SLC4A2: variants seen among roughly 807,000 people sequenced by gnomAD.
SLC4A2 encodes anion exchange protein 2.
In SLC4A2, 36 loss-of-function variants were observed where a neutral mutation model predicts 115.0. The observed-to-expected ratio is 0.31, with a 90% confidence interval of 0.24 to 0.41. The LOEUF is 0.41. SLC4A2 is among the 10% of genes least tolerant of loss of function. SLC4A2 has a pLI of 1.00. For missense variants in SLC4A2, 1,252 were observed against 1,705.6 expected (o/e 0.73, Z 4.68); for synonymous variants, 708 against 708.3 (o/e 1.00, Z 0.01).
rs750420361 is a variant in SLC4A2, at chr7:151,076,493, C to T, written c.*126C>T. 257 of 830,186 alleles carry T rather than the reference C, an allele frequency of 3.1e-4. 1 individual carries two copies. The highest frequency in any genetic ancestry group is 4.2e-4 in the Non-Finnish European group (235 of 560,102). 51.4% of individuals were successfully genotyped at this position (830,186 alleles called of 1,614,324 possible). ...TAATTTAAAGTCTTCTCCTCCCCCA[C>T]TGCCCCTGCAGTAAAGTGCTTTGGC... is the stretch of plus-strand genomic sequence containing the variant. On this transcript the variant is annotated 3_prime_UTR_variant, in exon 23 of 23. Transcript: ENST00000413384.
Position 151,071,452 on chromosome 7 carries a change from C to A in SLC4A2, c.2038C>A (p.Arg680=). 2 of 1,608,402 alleles carry A rather than the reference C, an allele frequency of 1.2e-6. No homozygotes were observed. The highest frequency in any genetic ancestry group is 1.7e-6 in the Non-Finnish European group (2 of 1,179,684). ...AEDDPLRRTG[R]PFGGLIRDVR... ...AGATGATCCCCTTCGGCGGACGGGGCGGCCCTTTGGGGGGCTGATCCGAGA... is the reference window on the plus strand; with the variant it reads ...AGATGATCCCCTTCGGCGGACGGGGAGGCCCTTTGGGGGGCTGATCCGAGA... The change falls in exon 14 of 23, where the codon CGG becomes AGG. Residue 680 remains arginine (R), a synonymous_variant. Coordinates refer to ENST00000413384, the MANE Select transcript of SLC4A2 (RefSeq NM_003040.4). This position sits in a 1 kb window ranked among gnomAD's most constrained non-coding sequence, Gnocchi z 5.5.
chr7:151,069,083 G>A (rs980338142), intron 8 of SLC4A2, among the ~76,000 whole-genome samples: 2 of 134,400 alleles, frequency 1.5e-5, no homozygotes, highest in Non-Finnish European at 3.0e-5. Context: ...AGCTTGCAGT[G>A]AGCCAAGATC....
At chr7:151,058,219 C>T (rs1392456120), upstream of SLC4A2, 3 of 361,610 alleles carry the variant, frequency 8.3e-6, no homozygotes, top group Non-Finnish European at 1.5e-5. Flanking sequence ...GCTCCCAGCC[C>T]TCTTGAAAAG....
rs762152778 is a variant in SLC4A2 at position 151,071,876 on chromosome 7, G to A, written c.2340+39G>A. The A allele has an allele frequency of 4.4e-5, 70 of 1,603,854 alleles. No individual in the cohort carries two copies. In the South Asian group the frequency reaches 5.4e-4, roughly 12 times the overall value. On this transcript the variant is annotated intron_variant, in intron 15 of 22. Coordinates refer to ENST00000413384, the MANE Select transcript of SLC4A2 (RefSeq NM_003040.4). The surrounding 1 kb of genome is among the most constrained non-coding windows in gnomAD (Gnocchi z 5.5). ...TCGCCCATCTCCAGCCGCCCCTCCC[G>A]TGCCCTAGACACCTCCCCACAGCAT...
chr7:151,065,500 T>C (rs2150369207), intron 5 of SLC4A2, among the ~76,000 whole-genome samples: 1 of 152,278 alleles, frequency 6.6e-6, no homozygotes, highest in Middle Eastern at 3.4e-3. Flanking sequence ...TCAGGCAAAG[T>C]GTCAGTACCA....
At chr7:151,064,127 AC>A in intron 2 of SLC4A2, 74 bp from the exon 3 acceptor site, 1 of 1,505,102 alleles carries the variant, frequency 6.6e-7, no homozygotes, top group East Asian at 2.3e-5. Flanking sequence ...GGTCTCTGGC[AC>A]TGGGAAGGGT....
chr7:151,074,723 G>A lies in SLC4A2; in HGVS notation c.2929G>A (p.Gly977Ser). 6.2e-7 allele frequency: 1 copy of A among 1,612,008 alleles called. No individual in the cohort carries two copies. Among genetic ancestry groups the A allele is most frequent in the Non-Finnish European group, 8.5e-7 (1 of 1,179,228 alleles). ...GFSVTAPEKR[G>S]WVINPLGEKS... ...CTCGGTGACTGCCCCAGAAAAGAGG[G>A]GCTGGGTCATCAACCCCCTGGGAGA... The change falls in exon 19 of 23, where the codon GGC becomes AGC. Residue 977 changes from glycine (G) to serine (S), a missense_variant. Gly to Ser is a moderately conservative substitution (Grantham distance 56). This residue lies in a region of SLC4A2 where 253 missense variants were observed against 407.4 expected (regional missense o/e 0.62). Coordinates refer to ENST00000413384, the MANE Select transcript of SLC4A2 (RefSeq NM_003040.4).
In SLC4A2 at chr7:151,076,386, C is replaced by G. The variant is rs569148643; in HGVS notation, c.*19C>G. The G allele has an allele frequency of 2.0e-6, 3 of 1,479,234 alleles. No homozygotes were observed. The South Asian group carries it at 4.3e-5, about 21-fold the overall frequency. The allele number at this position is 1,479,234 out of a possible 1,614,324, so 91.6% of individuals were successfully genotyped here. A position where few individuals can be genotyped will look rare whatever the true frequency, so the allele number is the denominator to read the frequency against. On this transcript the variant is annotated 3_prime_UTR_variant, in exon 23 of 23. Transcript: ENST00000413384. Reference sequence around the variant, plus strand: ...TGTGTAGCCGCCACCGAGGGACAGCCGAGGGACCGATGGACGAGGGGACAG... The same window carrying G: ...TGTGTAGCCGCCACCGAGGGACAGCGGAGGGACCGATGGACGAGGGGACAG...
chr7:151,061,626 C>A (rs977066710), intron 1 of SLC4A2: 11 of 286,948 alleles, frequency 3.8e-5, no homozygotes, highest in Non-Finnish European at 6.7e-6. Context: ...GCTTTCTCTC[C>A]GGGCCTGGGC....
intron 19 of SLC4A2, 131 bp from the exon 20 acceptor site, chr7:151,075,124 C>A: frequency 1.5e-6 from 2 of 1,293,422 alleles, no homozygotes; most frequent in Non-Finnish European, 2.2e-6. Context: ...GAATTTGAAT[C>A]CTGACGGAAT....
At chr7:151,074,540 C>T (rs1289735389) in intron 18 of SLC4A2, 52 bp downstream of exon 18, 1 of 1,599,704 alleles carries the variant, frequency 6.3e-7, no homozygotes, top group African/African-American at 1.3e-5. Flanking sequence ...CACCCCGGGT[C>T]TAGGTGTTCC....
In SLC4A2 at chr7:151,075,291, G is replaced by T; in HGVS notation, c.3084G>T (p.Lys1028Asn). Residue 1028 changes from lysine (K) to asparagine (N), a missense_variant, in exon 20 of 23, where the codon AAG (lysine) becomes AAT (asparagine). Physicochemically the swap from Lys to Asn is moderately conservative, Grantham distance 94. Around this residue, in one of 14 missense-constraint regions of SLC4A2, gnomAD observed 253 missense variants for 407.4 expected, o/e 0.62. Transcript: ENST00000413384. ...IISKKERMLQKGSGFHLDLLL... is the reference protein window; with the variant it reads ...IISKKERMLQNGSGFHLDLLL... ...CCAAGAAGGAGCGCATGCTGCAGAA[G>T]GGCTCCGGCTTCCACCTGGACCTGC... The T allele has an allele frequency of 6.2e-7, 1 of 1,613,426 alleles. No homozygotes were observed. Among genetic ancestry groups the T allele is most frequent in the Non-Finnish European group, 8.5e-7 (1 of 1,180,030 alleles).
chr7:151,069,068 G>GGTA (rs1465796399), intron 8 of SLC4A2, among the ~76,000 whole-genome samples: 1 of 139,960 alleles, frequency 7.1e-6, no homozygotes, highest in Non-Finnish European at 1.5e-5. Context: ...GAACCTGGGA[G>GGTA]GTAGAGCTTG....
chr7:151,070,972 C>T, intron 12 of SLC4A2, 61 bp downstream of exon 12: 1 of 1,591,700 alleles, frequency 6.3e-7, no homozygotes, highest in Non-Finnish European at 8.6e-7. Context: ...CAGTCTTGAT[C>T]CCCATGACTG....
chr7:151,071,880 C>T lies in SLC4A2; in HGVS notation c.2340+43C>T, dbSNP rs1797453501. ...CCATCTCCAGCCGCCCCTCCCGTGCCCTAGACACCTCCCCACAGCATCCCC... is the reference window on the plus strand; with the variant it reads ...CCATCTCCAGCCGCCCCTCCCGTGCTCTAGACACCTCCCCACAGCATCCCC... On this transcript the variant is annotated intron_variant, in intron 15 of 22. Coordinates refer to ENST00000413384, the MANE Select transcript of SLC4A2 (RefSeq NM_003040.4). The surrounding 1 kb of genome is among the most constrained non-coding windows in gnomAD (Gnocchi z 5.5). 6.2e-7 allele frequency: 1 copy of T among 1,606,280 alleles called. No individual in the cohort carries two copies.
chr7:151,067,008 T>C lies in SLC4A2; in HGVS notation c.966+15T>C. 1.3e-6 allele frequency: 2 copies of C among 1,566,588 alleles called. No homozygotes were observed. The highest frequency in any genetic ancestry group is 1.7e-6 in the Non-Finnish European group (2 of 1,157,778). ...AGCCCCATGAGGTACCATGCTCTGC[T>C]TCATGCTCTTCCATCAACTTCCCAC... On this transcript the variant is annotated intron_variant, in intron 7 of 22. Transcript: ENST00000413384.
At chr7:151,068,386 G>A (rs1797310285) in intron 8 of SLC4A2, among the ~76,000 whole-genome samples, 2 of 152,094 alleles carry the variant, frequency 1.3e-5, no homozygotes, top group Middle Eastern at 3.4e-3. Flanking sequence ...AATGACCACC[G>A]ACCACAGATG....
intron 10 of SLC4A2, 54 bp downstream of exon 10, chr7:151,070,400 G>A: frequency 6.2e-7 from 1 of 1,611,888 alleles, no homozygotes; most frequent in African/African-American, 1.3e-5. Flanking sequence ...GGAAGCCTGG[G>A]TGTGGACTCA....
chr7:151,067,661 T>G (rs927575263), intron 7 of SLC4A2, among the ~76,000 whole-genome samples: 6 of 152,230 alleles, frequency 3.9e-5, no homozygotes, highest in African/African-American at 1.4e-4. Flanking sequence ...GTGGGTATTA[T>G]TCCCATTTGA....
Sources: gnomAD v4.1 joint callset for allele counts (sites outside exome capture counted in the v4.1 genomes callset) on GRCh38, gnomAD v4.1.1 for gene constraint, gnomAD v4.1.1 regional missense constraint, Gnocchi (gnomAD v3.1) non-coding constraint, MANE v1.5 for transcripts, NCBI Gene and HGNC (gene_info 2026-07-23, HGNC 2026-07-21) for gene names.